The following NFIB variants were observed in gnomAD, a reference collection of about 807,000 sequenced individuals.
NFIB encodes the protein nuclear factor 1 B-type.
NFIB carries 11 observed loss-of-function variants against 61.5 expected under a neutral mutation model. The observed-to-expected ratio is 0.18, with a 90% CI of 0.11 to 0.30. The LOEUF (loss-of-function observed/expected upper bound fraction) is 0.30, where lower values mean the gene tolerates loss of function less well. NFIB is among the 10% of genes least tolerant of loss of function. The probability of loss-of-function intolerance (pLI) is 1.00; values close to 1 mark genes in which losing one functional copy is unlikely to be tolerated. For synonymous variants in NFIB, 260 were observed against 216.5 expected (o/e 1.20, Z -1.76); for missense variants, 471 against 608.9 (o/e 0.77, Z 2.38).
intron 3 of NFIB, among the ~76,000 whole-genome samples, chr9:14,177,235 A>G (rs1249850567): frequency 6.6e-6 from 1 of 152,210 alleles, no homozygotes; most frequent in Non-Finnish European, 1.5e-5. Flanking sequence ...AGAGATAAAA[A>G]GAGCTTCCTA....
chr9:14,323,924 TGGG>T (rs1284260476), intron 1 of NFIB, among the ~76,000 whole-genome samples: 5 of 152,184 alleles, frequency 3.3e-5, no homozygotes, highest in Non-Finnish European at 7.4e-5. Context: ...AAACTAAAAG[TGGG>T]ATTGGCCCAA....
At chr9:14,131,781 C>T (rs545216116) in intron 6 of NFIB, among the ~76,000 whole-genome samples, 1 of 152,266 alleles carries the variant, frequency 6.6e-6, no homozygotes, top group South Asian at 2.1e-4. Flanking sequence ...TCTGTAGCAG[C>T]CTGTCATCCA....
chr9:14,181,463 T>C (rs2046766868), intron 2 of NFIB, among the ~76,000 whole-genome samples: 1 of 152,208 alleles, frequency 6.6e-6, no homozygotes, highest in Non-Finnish European at 1.5e-5. Context: ...CTTATTACTT[T>C]TTCTGAAATC....
At chr9:14,240,467 T>G (rs1302340219) in intron 2 of NFIB, among the ~76,000 whole-genome samples, 2 of 152,200 alleles carry the variant, frequency 1.3e-5, no homozygotes, top group African/African-American at 4.8e-5. Flanking sequence ...AAGATCTTAC[T>G]ATTCAGCTCT....
At chr9:14,260,320 A>G (rs2056629348) in intron 2 of NFIB, among the ~76,000 whole-genome samples, 1 of 152,234 alleles carries the variant, frequency 6.6e-6, no homozygotes, top group African/African-American at 2.4e-5. Context: ...GCAGAGGCCC[A>G]ATCCAAGCAC....
intron 9 of NFIB, among the ~76,000 whole-genome samples, chr9:14,114,848 T>C (rs2037889030): frequency 6.6e-6 from 1 of 152,252 alleles, no homozygotes; most frequent in African/African-American, 2.4e-5. Flanking sequence ...CTTTGTTTTC[T>C]GTGTGCTTTT....
chr9:14,463,422 T>G, the NFIB span, among the ~76,000 whole-genome samples: 11,795 of 151,656 alleles, frequency 0.078, 528 homozygotes, highest in Middle Eastern at 0.11. Flanking sequence ...TCAATGAACA[T>G]TTAACAGGAT....
the NFIB span, among the ~76,000 whole-genome samples, chr9:14,498,978 T>A: frequency 6.6e-6 from 1 of 151,990 alleles, no homozygotes; most frequent in Non-Finnish European, 1.5e-5. Context: ...TGTATGGAAG[T>A]CATTGGCAAT....
intron 1 of NFIB, among the ~76,000 whole-genome samples, chr9:14,358,599 C>T (rs1319807955): frequency 6.6e-6 from 1 of 152,130 alleles, no homozygotes; most frequent in Non-Finnish European, 1.5e-5. Context: ...TTTTTGTCTT[C>T]CCAATGTTAC....
Position 14,313,618 on chromosome 9 carries a change from A to G in NFIB, c.-107T>C, listed in dbSNP as rs554071886. The stretch of plus-strand genomic sequence containing the variant: ...TCATCTGAGCCCCGCGATGCGATCA[A>G]TCAGGACGGGGCTCTGCGCTGGATC... On this transcript the variant is annotated 5_prime_UTR_variant, in exon 1 of 11. Transcript: ENST00000380953. The surrounding 1 kb of genome is among the most constrained non-coding windows in gnomAD (Gnocchi z 4.5). 1.9e-5 allele frequency: 31 copies of G among 1,597,808 alleles called. No individual in the cohort carries two copies. Among genetic ancestry groups the G allele is most frequent in the South Asian group, 1.0e-4 (9 of 89,382 alleles).
chr9:14,479,195 TACAG>T, the NFIB span, among the ~76,000 whole-genome samples: 1 of 152,318 alleles, frequency 6.6e-6, no homozygotes, highest in Non-Finnish European at 1.5e-5. Flanking sequence ...AAGCTAATCT[TACAG>T]ACAATCACTG....
At chr9:14,173,972 T>C (rs943264879) in intron 3 of NFIB, among the ~76,000 whole-genome samples, 3 of 152,154 alleles carry the variant, frequency 2.0e-5, no homozygotes, top group African/African-American at 4.8e-5. Flanking sequence ...GTTCCCATAA[T>C]GTACCCTGTA....
chr9:14,506,303 G>C, the NFIB span, among the ~76,000 whole-genome samples: 2 of 152,212 alleles, frequency 1.3e-5, no homozygotes, highest in East Asian at 3.9e-4. Flanking sequence ...GAAATGCATG[G>C]ACCTGCCACC....
At chr9:14,439,377 G>C in the NFIB span, among the ~76,000 whole-genome samples, 2 of 152,154 alleles carry the variant, frequency 1.3e-5, no homozygotes. Flanking sequence ...CTACTTGAAG[G>C]TCTGGGGCTG....
chr9:14,508,334 T>C, the NFIB span, among the ~76,000 whole-genome samples: 1 of 152,166 alleles, frequency 6.6e-6, no homozygotes, highest in African/African-American at 2.4e-5. Context: ...TCTGCCTAGA[T>C]GCCCCTCTTT....
upstream of NFIB, among the ~76,000 whole-genome samples, chr9:14,316,885 C>T (rs181616017): frequency 1.3e-5 from 2 of 152,272 alleles, no homozygotes; most frequent in East Asian, 3.9e-4. Context: ...AGACATTCCC[C>T]TTGGCAGGAA....
intron 2 of NFIB, among the ~76,000 whole-genome samples, chr9:14,222,733 C>T (rs958761315): frequency 7.5e-6 from 1 of 133,620 alleles, no homozygotes; most frequent in Non-Finnish European, 1.5e-5. Context: ...GAACTCAAGG[C>T]TACAGTGAGC....
At chr9:14,465,169 A>G in the NFIB span, among the ~76,000 whole-genome samples, 2 of 152,336 alleles carry the variant, frequency 1.3e-5, no homozygotes, top group East Asian at 3.9e-4. Context: ...ATATGATCAG[A>G]ATTGGAATCT....
intron 2 of NFIB, among the ~76,000 whole-genome samples, chr9:14,277,280 T>C (rs774407637): frequency 6.6e-6 from 1 of 152,178 alleles, no homozygotes; most frequent in Non-Finnish European, 1.5e-5. Flanking sequence ...GCTGGCAGAA[T>C]TTATTCCAAG....
Sources: gnomAD v4.1 joint callset for allele counts (sites outside exome capture counted in the v4.1 genomes callset) on GRCh38, gnomAD v4.1.1 for gene constraint, Gnocchi (gnomAD v3.1) non-coding constraint, MANE v1.5 for transcripts, NCBI Gene and HGNC (gene_info 2026-07-23, HGNC 2026-07-21) for gene names.